HECTD4: variants seen among roughly 807,000 people sequenced by gnomAD.
HECTD4 encodes the protein HECT domain E3 ubiquitin protein ligase 4.
A neutral mutation model predicts 471.5 loss-of-function variants in HECTD4; 114 were observed. That is an observed-to-expected ratio of 0.24 (90% CI 0.21 to 0.28). The LOEUF is 0.28. Among genes scored for constraint, HECTD4 ranks in the 10% least tolerant of loss-of-function variants. HECTD4 has a pLI of 1.00. For synonymous variants in HECTD4, 2,012 were observed against 2,256.0 expected, an observed-to-expected ratio of 0.89 and a Z score of 3.07; for missense variants, 3,866 against 5,651.5, an observed-to-expected ratio of 0.68 and a Z score of 10.13.
At chr12:112,225,130 A>G (rs778804149) in intron 44 of HECTD4, among the ~76,000 whole-genome samples, 4 of 152,154 alleles carry the variant, frequency 2.6e-5, no homozygotes. Context: ...GCTTCTGCTG[A>G]ATCCAAGGCA....
chr12:112,235,276 A>G lies in HECTD4; in HGVS notation c.5726-10T>C. On this transcript the variant is annotated splice_polypyrimidine_tract_variant and intron_variant, in intron 36 of 75. Coordinates refer to ENST00000682272, the MANE Select transcript of HECTD4 (RefSeq NM_001388303.1). This position sits in a 1 kb window ranked among gnomAD's most constrained non-coding sequence, Gnocchi z 5.0. ...AGAACTGTCTGACATCCTTTAAGCAAAAAACAAAGCTCATTCAGGAAAACT... is the reference window on the plus strand; with the variant it reads ...AGAACTGTCTGACATCCTTTAAGCAGAAAACAAAGCTCATTCAGGAAAACT... The G allele has an allele frequency of 6.2e-7, 1 of 1,603,648 alleles. No homozygotes were observed. The highest frequency in any genetic ancestry group is 8.5e-7 in the Non-Finnish European group (1 of 1,175,668).
chr12:112,292,463 T>C (rs1387871014), intron 7 of HECTD4, among the ~76,000 whole-genome samples: 1 of 152,184 alleles, frequency 6.6e-6, no homozygotes, highest in African/African-American at 2.4e-5. Flanking sequence ...TGTGCTTCTG[T>C]CTCCTCCACA....
intron 1 of HECTD4, among the ~76,000 whole-genome samples, chr12:112,337,268 C>T (rs1183149021): frequency 6.6e-6 from 1 of 152,154 alleles, no homozygotes. Context: ...CCTCTAAGGT[C>T]CACTTACTGT....
chr12:112,302,227 C>G, intron 7 of HECTD4: 1 of 1,318,560 alleles, frequency 7.6e-7, no homozygotes, highest in South Asian at 1.2e-5. Flanking sequence ...CTTTCTTGTT[C>G]TCCACCAAGG....
At position 112,266,998 on chromosome 12, in the gene HECTD4, A is replaced by C; in HGVS notation, c.2322-16T>G. 1 of 1,390,052 alleles carries C rather than the reference A, an allele frequency of 7.2e-7. No homozygotes were observed. The highest frequency in any genetic ancestry group is 9.9e-7 in the Non-Finnish European group (1 of 1,009,996). 86.1% of individuals were successfully genotyped at this position (1,390,052 alleles called of 1,614,324 possible). ...TAAACCAGAGCTGAAATGACAAAAA[A>C]GTCAAAAACATTTAAGCAAATGTTC... is the stretch of plus-strand genomic sequence containing the variant. On this transcript the variant is annotated splice_polypyrimidine_tract_variant and intron_variant, in intron 13 of 75. Transcript: ENST00000682272.
intron 1 of HECTD4, among the ~76,000 whole-genome samples, chr12:112,359,876 C>A (rs958085248): frequency 6.6e-6 from 1 of 152,140 alleles, no homozygotes; most frequent in African/African-American, 2.4e-5. Flanking sequence ...CCACGCCCAG[C>A]CTTACTCTAC....
At chr12:112,263,486 A>G (rs1049485499) in intron 17 of HECTD4, among the ~76,000 whole-genome samples, 3 of 152,272 alleles carry the variant, frequency 2.0e-5, no homozygotes, top group East Asian at 1.9e-4. Context: ...GCTATAAAAA[A>G]ATCTTTGGAC....
At chr12:112,341,033 CT>C (rs2036045015) in intron 1 of HECTD4, among the ~76,000 whole-genome samples, 1 of 152,252 alleles carries the variant, frequency 6.6e-6, no homozygotes, top group South Asian at 2.1e-4. Flanking sequence ...TTTTAAAAAT[CT>C]TTTTCGAATT....
intron 1 of HECTD4, among the ~76,000 whole-genome samples, chr12:112,335,605 T>C (rs1224125178): frequency 1.3e-5 from 2 of 152,004 alleles, no homozygotes; most frequent in African/African-American, 2.4e-5. Context: ...GGAGAATCGC[T>C]TGAACCCAGG....
At chr12:112,371,907 A>AAG (rs1229959900) in intron 1 of HECTD4, among the ~76,000 whole-genome samples, 2 of 149,658 alleles carry the variant, frequency 1.3e-5, no homozygotes, top group Non-Finnish European at 3.0e-5. Flanking sequence ...AAAAAAAAAA[A>AAG]GAAAAAAGAA....
intron 1 of HECTD4, among the ~76,000 whole-genome samples, chr12:112,380,041 C>T (rs1400268877): frequency 8.5e-5 from 13 of 152,094 alleles, no homozygotes; most frequent in Non-Finnish European, 1.9e-4. Context: ...GGAAAACCAA[C>T]ATCACAGATA....
chr12:112,276,975 C>A (rs2034540731), intron 9 of HECTD4, among the ~76,000 whole-genome samples: 1 of 152,170 alleles, frequency 6.6e-6, no homozygotes, highest in Admixed American at 6.5e-5. Flanking sequence ...AACCATTATA[C>A]TTTGGAGATG....
At chr12:112,339,877 C>T (rs558307369) in intron 1 of HECTD4, among the ~76,000 whole-genome samples, 17 of 152,004 alleles carry the variant, frequency 1.1e-4, no homozygotes, top group African/African-American at 3.1e-4. Flanking sequence ...GGTGAAACCC[C>T]GCCTCTACAA....
intron 61 of HECTD4, among the ~76,000 whole-genome samples, 176 bp from the exon 62 acceptor site, chr12:112,183,442 C>A (rs931942563): frequency 2.6e-5 from 4 of 152,208 alleles, no homozygotes; most frequent in African/African-American, 9.7e-5. Flanking sequence ...AGGCCAACAA[C>A]AGTGACTTTT....
chr12:112,379,491 C>T (rs1375989369), intron 1 of HECTD4, among the ~76,000 whole-genome samples: 10 of 152,016 alleles, frequency 6.6e-5, no homozygotes, highest in African/African-American at 2.2e-4. Context: ...GTCAGGAGTT[C>T]GAGACTTGCC....
At chr12:112,332,458 T>C (rs2035860436) in intron 1 of HECTD4, among the ~76,000 whole-genome samples, 1 of 150,404 alleles carries the variant, frequency 6.6e-6, no homozygotes, top group Non-Finnish European at 1.5e-5. Context: ...AATTGATCGC[T>C]TGAACCCAGG....
At chr12:112,258,996 C>T (rs1052430290) in intron 19 of HECTD4, 116 bp downstream of exon 19, 10 of 859,680 alleles carry the variant, frequency 1.2e-5, no homozygotes, top group Non-Finnish European at 1.8e-5. Context: ...ATCATTATTT[C>T]CCTTGGTTTC....
chr12:112,266,904 A>AT lies in HECTD4; in HGVS notation c.2392+7dup. On this transcript the variant is annotated splice_region_variant and intron_variant, in intron 14 of 75. Coordinates refer to ENST00000682272, the MANE Select transcript of HECTD4 (RefSeq NM_001388303.1). ...GCTGTTCAAAGATAATTAAAGGATA[A>AT]TTCTTACCTTCTGTTAAGACCAGTT... 1 of 1,375,444 alleles carries AT rather than the reference A, an allele frequency of 7.3e-7. No individual in the cohort carries two copies. The highest frequency in any genetic ancestry group is 1.0e-6 in the Non-Finnish European group (1 of 986,364). The allele number at this position is 1,375,444 out of a possible 1,614,324, so 85.2% of individuals were successfully genotyped here. A position where few individuals can be genotyped will look rare whatever the true frequency, so the allele number is the denominator to read the frequency against.
chr12:112,338,265 T>C (rs2035993822), intron 1 of HECTD4, among the ~76,000 whole-genome samples: 1 of 152,244 alleles, frequency 6.6e-6, no homozygotes, highest in Non-Finnish European at 1.5e-5. Flanking sequence ...ATTTAAATAC[T>C]GATGATTCCA....
Sources: gnomAD v4.1 joint callset for allele counts (sites outside exome capture counted in the v4.1 genomes callset) on GRCh38, gnomAD v4.1.1 for gene constraint, Gnocchi (gnomAD v3.1) non-coding constraint, MANE v1.5 for transcripts, NCBI Gene and HGNC (gene_info 2026-07-23, HGNC 2026-07-21) for gene names.